Variants in ZNF423 observed in about 807,000 individuals in gnomAD.
ZNF423 encodes the protein Ebf-associated zinc finger protein.
In ZNF423, 12 loss-of-function variants were observed where a neutral mutation model predicts 95.8. The ratio of observed to expected loss-of-function variants is 0.13; its 90% CI spans 0.08 to 0.20. The LOEUF is 0.20. Among genes scored for constraint, ZNF423 ranks in the 10% least tolerant of loss-of-function variants. The pLI is 1.00. For synonymous variants in ZNF423, 749 were observed against 711.9 expected (o/e 1.05, Z -0.83); for missense variants, 1,316 against 1,737.1 (o/e 0.76, Z 4.31).
intron 1 of ZNF423, among the ~76,000 whole-genome samples, chr16:49,822,920 A>G (rs1469442750): frequency 2.6e-5 from 4 of 152,262 alleles, no homozygotes; most frequent in Admixed American, 1.3e-4. Context: ...ACACAAGTGA[A>G]TTTTCAAAGC....
At chr16:49,792,656 C>A (rs1414688939) in intron 1 of ZNF423, among the ~76,000 whole-genome samples, 1 of 152,208 alleles carries the variant, frequency 6.6e-6, no homozygotes, top group Non-Finnish European at 1.5e-5. Flanking sequence ...CACTCACATG[C>A]CCTCCTCTAG....
chr16:49,560,169 C>G (rs1969969088), intron 5 of ZNF423, among the ~76,000 whole-genome samples: 1 of 152,208 alleles, frequency 6.6e-6, no homozygotes, highest in African/African-American at 2.4e-5. Context: ...ATCATCACGG[C>G]AGTGACGACA....
Position 49,789,737 on chromosome 16 carries a change from C to T in ZNF423, c.41-191G>A, listed in dbSNP as rs113989334. 2.6e-5 allele frequency among the ~76,000 whole-genome samples: 4 copies of T among 152,310 alleles called. 1 individual carries two copies. The highest frequency in any genetic ancestry group is 9.6e-5 in the African/African-American group (4 of 41,568). ...GAGATGTAAAATGATCGGAATAAAA[C>T]AGGAATAGCAAGCAAGTTAAGTGCT... On this transcript the variant is annotated intron_variant, in intron 1 of 7. Transcript: ENST00000563137.
intron 3 of ZNF423, among the ~76,000 whole-genome samples, chr16:49,683,673 C>T (rs2031455285): frequency 1.3e-5 from 2 of 152,184 alleles, no homozygotes; most frequent in South Asian, 4.1e-4. Context: ...TCCAATATGC[C>T]TGGTCCGATG....
At chr16:49,512,666 G>T (rs1031119745) in intron 7 of ZNF423, among the ~76,000 whole-genome samples, 1 of 152,228 alleles carries the variant, frequency 6.6e-6, no homozygotes, top group Non-Finnish European at 1.5e-5. Flanking sequence ...ATGACCCTCA[G>T]CAATCCTTCT....
chr16:49,724,530 G>A (rs2032955118), intron 3 of ZNF423, among the ~76,000 whole-genome samples: 1 of 152,210 alleles, frequency 6.6e-6, no homozygotes, highest in South Asian at 2.1e-4. Context: ...AGTTCGAGGA[G>A]CGCCGCAAGT....
intron 7 of ZNF423, among the ~76,000 whole-genome samples, chr16:49,515,881 G>A (rs752592297): frequency 6.6e-6 from 1 of 152,196 alleles, no homozygotes; most frequent in African/African-American, 2.4e-5. Context: ...CAGCTGGGCT[G>A]GTGGGCAGAG....
chr16:49,543,706 C>G (rs539755832), intron 5 of ZNF423, among the ~76,000 whole-genome samples: 1 of 152,328 alleles, frequency 6.6e-6, no homozygotes, highest in East Asian at 1.9e-4. Context: ...CCCTGTCGCC[C>G]GCTGAGCCTA....
rs1972778425 is a variant in ZNF423, at chr16:49,637,532, G to C, written c.1644C>G (p.His548Gln). 1.2e-6 allele frequency: 2 copies of C among 1,614,142 alleles called. No homozygotes were observed. Among genetic ancestry groups the C allele is most frequent in the Admixed American group, 3.3e-5 (2 of 60,028 alleles). Residue 548 changes from histidine to glutamine, a missense_variant, in exon 4 of 8, where the codon CAC becomes CAG. This residue lies in a region of ZNF423 where 399 missense variants were observed against 478.5 expected (regional missense o/e 0.83). Transcript: ENST00000563137. The surrounding 1 kb of genome is among the most constrained non-coding windows in gnomAD (Gnocchi z 5.6). ...SSLTEHIQQA[H>Q]CSVGSAKLES... ...CTAGTTTGGCACTGCCCACACTGCA[G>C]TGGGCCTGCTGGATGTGCTCGGTGA...
At chr16:49,727,161 C>A (rs146766188) in intron 3 of ZNF423, among the ~76,000 whole-genome samples, 1 of 152,134 alleles carries the variant, frequency 6.6e-6, no homozygotes, top group Non-Finnish European at 1.5e-5. Flanking sequence ...CAAATGAGAG[C>A]GAGAGGGAGA....
intron 2 of ZNF423, among the ~76,000 whole-genome samples, chr16:49,784,981 G>T (rs1408921672): frequency 6.6e-6 from 1 of 151,500 alleles, no homozygotes; most frequent in Non-Finnish European, 1.5e-5. Flanking sequence ...GTGGATCAAT[G>T]GTTGCCTGGG....
chr16:49,739,491 T>A (rs1457185644), intron 2 of ZNF423, among the ~76,000 whole-genome samples: 1 of 151,984 alleles, frequency 6.6e-6, no homozygotes, highest in Non-Finnish European at 1.5e-5. Context: ...CAAGTGTGAA[T>A]CCTCCCCTTC....
chr16:49,580,182 G>T (rs1479442609), intron 5 of ZNF423, among the ~76,000 whole-genome samples: 1 of 152,204 alleles, frequency 6.6e-6, no homozygotes, highest in Non-Finnish European at 1.5e-5. Flanking sequence ...GCCACATCCT[G>T]GAAGGCCCAA....
chr16:49,636,984 G>T lies in ZNF423; in HGVS notation c.2192C>A (p.Thr731Asn). ...DMHTFVLYHCTLCQEVFDSKV... is the reference protein window; with the variant it reads ...DMHTFVLYHCNLCQEVFDSKV... Reference sequence around the variant, plus strand: ...GGAGTCGAAGACCTCCTGACACAGGGTGCAGTGGTACAACACAAAGGTGTG... The same window carrying T: ...GGAGTCGAAGACCTCCTGACACAGGTTGCAGTGGTACAACACAAAGGTGTG... Residue 731 changes from threonine to asparagine, a missense_variant, in exon 4 of 8, where the codon ACC becomes AAC. Transcript: ENST00000563137. The surrounding 1 kb of genome is among the most constrained non-coding windows in gnomAD (Gnocchi z 8.6). The T allele has an allele frequency of 6.2e-7, 1 of 1,613,886 alleles. No homozygotes were observed.
At chr16:49,543,867 G>A (rs1303673822) in intron 5 of ZNF423, among the ~76,000 whole-genome samples, 3 of 152,332 alleles carry the variant, frequency 2.0e-5, no homozygotes, top group East Asian at 3.9e-4. Context: ...TGGGCAAGTC[G>A]CTGACCTCTC....
chr16:49,645,775 T>G (rs1973148938), intron 3 of ZNF423, among the ~76,000 whole-genome samples: 2 of 152,132 alleles, frequency 1.3e-5, no homozygotes, highest in Non-Finnish European at 2.9e-5. Context: ...ATGGGGGTGG[T>G]TTCCCCCATG....
At chr16:49,526,866 GT>G (rs1273645485) in intron 5 of ZNF423, among the ~76,000 whole-genome samples, 1 of 152,242 alleles carries the variant, frequency 6.6e-6, no homozygotes, top group Non-Finnish European at 1.5e-5. Flanking sequence ...CTCAATAAGT[GT>G]TTACTGCCAG....
intron 1 of ZNF423, among the ~76,000 whole-genome samples, chr16:49,808,889 G>C (rs1182886537): frequency 6.6e-6 from 1 of 152,188 alleles, no homozygotes; most frequent in Non-Finnish European, 1.5e-5. Flanking sequence ...AGACCCACCA[G>C]GCTGCGGCAA....
chr16:49,715,013 G>A lies in ZNF423; in HGVS notation c.301+15758C>T, dbSNP rs141435213. 1.3e-4 allele frequency among the ~76,000 whole-genome samples: 20 copies of A among 152,196 alleles called. 1 individual carries two copies. The East Asian group carries it at 3.9e-3, about 29-fold the overall frequency. On this transcript the variant is annotated intron_variant, in intron 3 of 7. Coordinates refer to ENST00000563137, the MANE Select transcript of ZNF423 (RefSeq NM_001379286.1). The stretch of plus-strand genomic sequence containing the variant: ...CTGCAAGCCCCCAAGAATTCCTGGT[G>A]TTCGTGCCATCCAAGGGAACAACTT...
Sources: allele counts gnomAD v4.1 joint callset (sites outside exome capture counted in the v4.1 genomes callset), GRCh38; gene constraint gnomAD v4.1.1; regional missense constraint gnomAD v4.1.1; non-coding constraint Gnocchi (gnomAD v3.1); transcripts MANE v1.5; gene names NCBI Gene and HGNC (gene_info 2026-07-23, HGNC 2026-07-21).